The following LRPPRC variants were observed in gnomAD, a reference collection of about 807,000 sequenced individuals.
LRPPRC encodes the protein leucine rich pentatricopeptide repeat containing.
Under a neutral mutation model 180.3 loss-of-function variants are expected in LRPPRC, and 120 were observed. The observed-to-expected ratio is 0.67, with a 90% CI of 0.57 to 0.77. The LOEUF (loss-of-function observed/expected upper bound fraction) is 0.77, where lower values mean the gene tolerates loss of function less well. LRPPRC is among the 30% of genes least tolerant of loss of function. The probability of loss-of-function intolerance (pLI) is 0.00; values close to 1 mark genes in which losing one functional copy is unlikely to be tolerated. For synonymous variants in LRPPRC, 723 were observed against 600.0 expected, an observed-to-expected ratio of 1.21 and a Z score of -3.00; for missense variants, 2,012 against 1,657.2, an observed-to-expected ratio of 1.21 and a Z score of -3.72.
At chr2:43,975,302 T>G in intron 6 of LRPPRC, 85 bp from the exon 7 acceptor site, 3 of 1,108,254 alleles carry the variant, frequency 2.7e-6, no homozygotes, top group Non-Finnish European at 4.0e-6. Context: ...CTTATTAAAA[T>G]AAAAAATGCT....
intron 11 of LRPPRC, among the ~76,000 whole-genome samples, chr2:43,965,461 C>A (rs888025393): frequency 1.3e-5 from 2 of 152,116 alleles, no homozygotes; most frequent in Admixed American, 6.6e-5. Context: ...GCCTTGACAA[C>A]GACTTTTTGG....
intron 25 of LRPPRC, among the ~76,000 whole-genome samples, chr2:43,927,538 G>A (rs1671928417): frequency 6.6e-6 from 1 of 152,032 alleles, no homozygotes; most frequent in Admixed American, 6.6e-5. Flanking sequence ...TACGTTATTT[G>A]TTTTGTTTCA....
chr2:43,936,251 G>A (rs1005939118), intron 23 of LRPPRC, among the ~76,000 whole-genome samples: 3 of 152,140 alleles, frequency 2.0e-5, no homozygotes, highest in Non-Finnish European at 2.9e-5. Context: ...TAAGCAAGTC[G>A]CTGGACTTCC....
At chr2:43,947,642 G>A in intron 19 of LRPPRC, 89 bp downstream of exon 19, 1 of 839,802 alleles carries the variant, frequency 1.2e-6, no homozygotes, top group Non-Finnish European at 2.1e-6. Context: ...AAAAATGTGA[G>A]GAATCACTGG....
At position 43,960,534 on chromosome 2, in the gene LRPPRC, T is replaced by C. The variant is rs863225446; in HGVS notation, c.1582+7A>G. ...TATCAAGTTTACCGCTAATGTTGTA[T>C]ACTTACAAAATGATAATACAAAGTC... On this transcript the variant is annotated splice_region_variant and intron_variant, in intron 13 of 37. Transcript: ENST00000260665. 6.8e-6 allele frequency: 10 copies of C among 1,460,396 alleles called. No individual in the cohort carries two copies. The highest frequency in any genetic ancestry group is 9.6e-6 in the Non-Finnish European group (10 of 1,041,744). 90.5% of individuals were successfully genotyped at this position (1,460,396 alleles called of 1,614,324 possible).
chr2:43,967,154 T>G (rs1673595335), intron 11 of LRPPRC, among the ~76,000 whole-genome samples: 1 of 152,138 alleles, frequency 6.6e-6, no homozygotes, highest in Non-Finnish European at 1.5e-5. Flanking sequence ...ATCCCAGCAC[T>G]TTGGGAAGCC....
At chr2:43,988,924 C>T (rs535770803) in intron 1 of LRPPRC, among the ~76,000 whole-genome samples, 1 of 152,214 alleles carries the variant, frequency 6.6e-6, no homozygotes, top group East Asian at 1.9e-4. Flanking sequence ...GGCTGGAGTG[C>T]AGTGGTGCAA....
At chr2:43,977,481 T>C (rs1281076505) in intron 3 of LRPPRC, among the ~76,000 whole-genome samples, 1 of 152,154 alleles carries the variant, frequency 6.6e-6, no homozygotes, top group Non-Finnish European at 1.5e-5. Flanking sequence ...AGTTACTGTA[T>C]AGTTACAAGT....
intron 36 of LRPPRC, among the ~76,000 whole-genome samples, chr2:43,893,147 A>G (rs1372797524): frequency 6.6e-6 from 1 of 152,224 alleles, no homozygotes; most frequent in Non-Finnish European, 1.5e-5. Flanking sequence ...CATGAGGAGA[A>G]GCTGTTTCCT....
chr2:43,901,394 T>C lies in LRPPRC; in HGVS notation c.3495A>G (p.Leu1165=), dbSNP rs1180817734. Residue 1165 remains leucine (L), a synonymous_variant, in exon 32 of 38, where the codon TTA becomes TTG. Coordinates refer to ENST00000260665, the MANE Select transcript of LRPPRC (RefSeq NM_133259.4). ...VENIEVVQKM[L]NGLEDSIGLS... is the part of the protein sequence containing the mutation. ...GTCCAATGGAGTCTTCGAGTCCATT[T>C]AACATCTTCTGAACTACTTCTATGT... 1 of 1,613,688 alleles carries C rather than the reference T, an allele frequency of 6.2e-7. No individual in the cohort carries two copies. The highest frequency in any genetic ancestry group is 1.1e-5 in the South Asian group (1 of 91,074).
At chr2:43,898,708 G>C (rs150790844) in intron 34 of LRPPRC, among the ~76,000 whole-genome samples, 20 of 152,298 alleles carry the variant, frequency 1.3e-4, no homozygotes, top group African/African-American at 3.6e-4. Context: ...CAAGTGAATA[G>C]AAAGCATATT....
In LRPPRC at chr2:43,973,868, C is replaced by T; in HGVS notation, c.1188G>A (p.Lys396=). The T allele has an allele frequency of 6.2e-7, 1 of 1,613,056 alleles. No individual in the cohort carries two copies. Among genetic ancestry groups the T allele is most frequent in the Non-Finnish European group, 8.5e-7 (1 of 1,179,174 alleles). ...PVEKLTDYCK[K]LKEVQMHSFP... The stretch of plus-strand genomic sequence containing the variant: ...AGGAGTGCATCTGGACTTCCTTTAA[C>T]TTCTTACAGTAGTCTGTTAGCTTCT... The change falls in exon 10 of 38, where the codon AAG becomes AAA. Residue 396 remains lysine, a synonymous_variant. Transcript: ENST00000260665.
intron 6 of LRPPRC, 147 bp downstream of exon 6, chr2:43,975,996 A>G: frequency 1.7e-6 from 1 of 601,746 alleles, no homozygotes; most frequent in Non-Finnish European, 3.0e-6. Context: ...TTTTTTTTGA[A>G]GGGATAGACA....
intron 3 of LRPPRC, among the ~76,000 whole-genome samples, chr2:43,979,127 T>G (rs1210836440): frequency 6.6e-6 from 1 of 151,680 alleles, no homozygotes; most frequent in Non-Finnish European, 1.5e-5. Context: ...AATTATTTTT[T>G]GAATACGTAC....
At chr2:43,947,597 G>A (rs1182598001) in intron 19 of LRPPRC, 134 bp downstream of exon 19, 3 of 691,938 alleles carry the variant, frequency 4.3e-6, no homozygotes, top group African/African-American at 1.8e-5. Context: ...GTGGGGAACA[G>A]GTTTTACCAA....
intron 29 of LRPPRC, among the ~76,000 whole-genome samples, chr2:43,914,595 G>A (rs763650329): frequency 9.9e-5 from 15 of 152,122 alleles, no homozygotes; most frequent in Admixed American, 6.5e-5. Context: ...AGGGGTGGTG[G>A]GGGGTGCCTG....
intron 29 of LRPPRC, among the ~76,000 whole-genome samples, chr2:43,917,360 T>C (rs1440675908): frequency 6.6e-6 from 1 of 152,030 alleles, no homozygotes; most frequent in Non-Finnish European, 1.5e-5. Context: ...GCTTCGTTTT[T>C]TATAGCTTAA....
chr2:43,991,038 T>C (rs199936864), intron 1 of LRPPRC, among the ~76,000 whole-genome samples: 1 of 150,758 alleles, frequency 6.6e-6, no homozygotes, highest in African/African-American at 2.4e-5. Context: ...TTTTATTTTT[T>C]TTTTTTTTTG....
rs201021305 is a variant in LRPPRC, at chr2:43,982,288, C to T, written c.296G>A (p.Arg99His). ...RLDLSVRRTG[R>H]IPKKLLQKVF... is the part of the protein sequence containing the mutation. ...TTTTTGTAGAAGCTTCTTTGGAATGCGGCCAGTTCTTCGAACAGAAAGATC... is the reference window on the plus strand; with the variant it reads ...TTTTTGTAGAAGCTTCTTTGGAATGTGGCCAGTTCTTCGAACAGAAAGATC... Residue 99 changes from arginine (R) to histidine (H), a missense_variant, in exon 2 of 38, where the codon CGC (arginine) becomes CAC (histidine). Arg to His is a conservative substitution (Grantham distance 29). Transcript: ENST00000260665. 2.0e-5 allele frequency: 31 copies of T among 1,579,270 alleles called. No individual in the cohort carries two copies. Among genetic ancestry groups the T allele is most frequent in the South Asian group, 1.1e-4 (9 of 85,644 alleles).
Sources: gnomAD v4.1 joint callset for allele counts (sites outside exome capture counted in the v4.1 genomes callset) on GRCh38, gnomAD v4.1.1 for gene constraint, MANE v1.5 for transcripts, NCBI Gene and HGNC (gene_info 2026-07-23, HGNC 2026-07-21) for gene names.